HMCN2: variants seen among roughly 807,000 people sequenced by gnomAD.
The protein encoded by HMCN2 is hemicentin-2.
HMCN2 carries 325 observed loss-of-function variants against 377.5 expected under a neutral mutation model. The ratio of observed to expected loss-of-function variants is 0.86; its 90% CI spans 0.79 to 0.94. The LOEUF (loss-of-function observed/expected upper bound fraction) is 0.94, where lower values mean the gene tolerates loss of function less well. Among genes scored for constraint, HMCN2 ranks in the 40% least tolerant of loss-of-function variants. The pLI is 0.00. For synonymous variants in HMCN2, 2,007 were observed against 2,046.8 expected (o/e 0.98, Z 0.53); for missense variants, 4,543 against 4,725.3 (o/e 0.96, Z 1.13).
rs1426110945 is a variant in HMCN2, at chr9:130,265,762, A to G, written c.-117A>G. On this transcript the variant is annotated 5_prime_UTR_variant, in exon 1 of 98. Transcript: ENST00000683500. ...CGCCGCGCGCCCCTATCCCTCGCGC[A>G]CTGGCCGCGGCCCGACGGAGCAAGG... The G allele has an allele frequency of 3.2e-5, 7 of 219,874 alleles. No homozygotes were observed. Among genetic ancestry groups the G allele is most frequent in the African/African-American group, 1.4e-4 (6 of 41,676 alleles). 13.6% of individuals were successfully genotyped at this position (219,874 alleles called of 1,614,324 possible).
intron 4 of HMCN2, among the ~76,000 whole-genome samples, chr9:130,289,114 C>T (rs1835588870): frequency 1.3e-5 from 2 of 152,206 alleles, no homozygotes; most frequent in Non-Finnish European, 2.9e-5. Flanking sequence ...GCAGCTCCCC[C>T]GTGCCTGGGA....
chr9:130,317,742 C>T (rs1018696220), intron 15 of HMCN2, among the ~76,000 whole-genome samples: 2 of 150,894 alleles, frequency 1.3e-5, no homozygotes, highest in African/African-American at 2.4e-5. Flanking sequence ...GCCGAGATTG[C>T]GCCACTGCAC....
intron 1 of HMCN2, among the ~76,000 whole-genome samples, chr9:130,275,738 C>T (rs1472801387): frequency 1.3e-5 from 2 of 152,192 alleles, no homozygotes; most frequent in African/African-American, 4.8e-5. Flanking sequence ...GCGTGAGCCA[C>T]CACGCCCGGC....
intron 85 of HMCN2, among the ~76,000 whole-genome samples, chr9:130,411,654 T>C (rs1299221978): frequency 1.3e-5 from 2 of 148,808 alleles, no homozygotes; most frequent in Admixed American, 6.7e-5. Context: ...TGACACAGGC[T>C]ACAACATAGA....
chr9:130,266,819 G>T (rs10115321), intron 1 of HMCN2, among the ~76,000 whole-genome samples: 66,362 of 152,100 alleles, frequency 0.44, 15,607 homozygotes, highest in East Asian at 0.88. Flanking sequence ...TTAACCCCCT[G>T]CCTTGCAGCT....
chr9:130,420,471 AAAAC>A (rs370085110), intron 86 of HMCN2, among the ~76,000 whole-genome samples: 3 of 150,308 alleles, frequency 2.0e-5, no homozygotes, highest in Admixed American at 6.6e-5. Context: ...TACTGGTAAA[AAAAC>A]AAAACAAAAC....
At chr9:130,424,096 T>G (rs1284229076) in intron 87 of HMCN2, among the ~76,000 whole-genome samples, 1 of 151,416 alleles carries the variant, frequency 6.6e-6, no homozygotes, top group Non-Finnish European at 1.5e-5. Context: ...TCCTCCTACC[T>G]TAGCCTCCCC....
chr9:130,426,025 A>C, intron 90 of HMCN2, 101 bp downstream of exon 90: 5 of 875,212 alleles, frequency 5.7e-6, no homozygotes, highest in East Asian at 2.7e-5. Flanking sequence ...CCTAACATCC[A>C]CTGACCATGG....
chr9:130,310,345 C>T (rs1837174258), intron 15 of HMCN2, among the ~76,000 whole-genome samples: 1 of 152,220 alleles, frequency 6.6e-6, no homozygotes, highest in African/African-American at 2.4e-5. Context: ...GTGATTCTGG[C>T]TCAGGGTCCA....
At chr9:130,327,897 C>T (rs1334637308) in intron 22 of HMCN2, among the ~76,000 whole-genome samples, 4 of 152,302 alleles carry the variant, frequency 2.6e-5, no homozygotes, top group African/African-American at 4.8e-5. Context: ...AGGTGTCTGG[C>T]GGCTGGGCTG....
intron 37 of HMCN2, among the ~76,000 whole-genome samples, chr9:130,359,739 G>A (rs1336415738): frequency 1.3e-5 from 2 of 152,164 alleles, no homozygotes; most frequent in Non-Finnish European, 2.9e-5. Flanking sequence ...GACCAGAAGT[G>A]GAGGAAAGGG....
rs1370392270 is a variant in HMCN2, at chr9:130,386,410, G to A, written c.9310-33G>A. ...CCCTAGCACCCCACTTCCAGCTCCA[G>A]CACACAGCCACTGTGTGCTCTTCCT... On this transcript the variant is annotated intron_variant, in intron 60 of 97. Transcript: ENST00000683500. 9.3e-6 allele frequency: 12 copies of A among 1,283,686 alleles called. No individual in the cohort carries two copies. In the East Asian group the frequency reaches 6.7e-4, roughly 72 times the overall value. 79.5% of individuals were successfully genotyped at this position (1,283,686 alleles called of 1,614,324 possible).
At position 130,377,732 on chromosome 9, in the gene HMCN2, G is replaced by T. The variant is rs1348674486; in HGVS notation, c.8145G>T (p.Gly2715=). 2 of 985,790 alleles carry T rather than the reference G, an allele frequency of 2.0e-6. No homozygotes were observed. The highest frequency in any genetic ancestry group is 1.2e-4 in the Admixed American group (2 of 16,272). 61.1% of individuals were successfully genotyped at this position (985,790 alleles called of 1,614,324 possible). Residue 2715 remains glycine (G), a synonymous_variant, in exon 53 of 98, where the codon GGG becomes GGT. Coordinates refer to ENST00000683500, the MANE Select transcript of HMCN2 (RefSeq NM_001291815.2). ...AGCCCACACAGGTCTCAGACTCGGG[G>T]CGGTACCTGTGTGTGGCCACCAATG... The part of the protein sequence containing the change: ...QIQPTQVSDS[G]RYLCVATNVA...
chr9:130,404,709 A>G (rs988835915), intron 80 of HMCN2, among the ~76,000 whole-genome samples, 160 bp from the exon 81 acceptor site: 3 of 152,248 alleles, frequency 2.0e-5, no homozygotes, highest in Non-Finnish European at 4.4e-5. Context: ...GGAGTCCCCA[A>G]ATCATCCTGA....
chr9:130,358,305 G>T (rs373690965), intron 35 of HMCN2, 85 bp from the exon 36 acceptor site: 5 of 1,293,592 alleles, frequency 3.9e-6, no homozygotes, highest in Non-Finnish European at 5.1e-6. Context: ...TCCTGCCCCC[G>T]GGCTCGGCAG....
chr9:130,424,171 T>A (rs868149019), intron 87 of HMCN2, among the ~76,000 whole-genome samples: 2,303 of 122,752 alleles, frequency 0.019, 20 homozygotes, highest in African/African-American at 0.033. Flanking sequence ...ATATATATAT[T>A]TTTTTTTTTT....
At chr9:130,358,247 G>A in intron 35 of HMCN2, 143 bp from the exon 36 acceptor site, 1 of 981,878 alleles carries the variant, frequency 1.0e-6, no homozygotes, top group Non-Finnish European at 1.4e-6. Flanking sequence ...CAAGTGCTTG[G>A]CTCATAACTC....
intron 25 of HMCN2, among the ~76,000 whole-genome samples, chr9:130,345,581 G>A (rs1476988409): frequency 1.3e-5 from 2 of 150,340 alleles, no homozygotes; most frequent in African/African-American, 4.9e-5. Context: ...TGTGTGGTAT[G>A]TGTGTATGGT....
intron 25 of HMCN2, among the ~76,000 whole-genome samples, chr9:130,343,383 G>A (rs942245406): frequency 6.6e-6 from 1 of 152,182 alleles, no homozygotes; most frequent in Non-Finnish European, 1.5e-5. Flanking sequence ...GCCACAGGAC[G>A]CCCTGGAAGG....
Sources: allele counts gnomAD v4.1 joint callset (sites outside exome capture counted in the v4.1 genomes callset), GRCh38; gene constraint gnomAD v4.1.1; transcripts MANE v1.5; gene names NCBI Gene and HGNC (gene_info 2026-07-23, HGNC 2026-07-21).